Variants in ATXN2 observed in about 807,000 individuals in gnomAD.
The protein encoded by ATXN2 is ataxin 2.
A neutral mutation model predicts 138.6 loss-of-function variants in ATXN2; 37 were observed. That is an observed-to-expected ratio of 0.27 (90% confidence interval 0.21 to 0.35). The LOEUF (loss-of-function observed/expected upper bound fraction) is 0.35. Ranked by LOEUF, ATXN2 falls within the 10% of genes least tolerant of loss-of-function variation. ATXN2 has a pLI of 1.00. For missense variants in ATXN2, 1,216 were observed against 1,480.3 expected (o/e 0.82, Z 2.93); for synonymous variants, 549 against 543.7 (o/e 1.01, Z -0.13).
chr12:111,496,422 G>A (rs570761646), intron 14 of ATXN2, among the ~76,000 whole-genome samples: 1 of 152,134 alleles, frequency 6.6e-6, no homozygotes, highest in South Asian at 2.1e-4. Context: ...TGTAATCCCA[G>A]CTACTCAGGA....
At chr12:111,531,072 C>T (rs140109303) in intron 5 of ATXN2, among the ~76,000 whole-genome samples, 2 of 151,450 alleles carry the variant, frequency 1.3e-5, no homozygotes, top group African/African-American at 4.8e-5. Context: ...GAGCCGAGAT[C>T]GCACCATTGC....
chr12:111,562,522 A>G (rs1244907959), intron 1 of ATXN2, among the ~76,000 whole-genome samples: 1 of 151,894 alleles, frequency 6.6e-6, no homozygotes, highest in Non-Finnish European at 1.5e-5. Context: ...GGAGTTGGAG[A>G]CCAGCCTGAC....
intron 1 of ATXN2, among the ~76,000 whole-genome samples, chr12:111,565,899 G>A (rs1335186430): frequency 1.3e-5 from 2 of 151,932 alleles, no homozygotes; most frequent in Non-Finnish European, 2.9e-5. Context: ...AGTAAGCTGA[G>A]GCACGAGAAT....
At chr12:111,456,643 G>A (rs1875123589) in intron 22 of ATXN2, among the ~76,000 whole-genome samples, 1 of 152,046 alleles carries the variant, frequency 6.6e-6, no homozygotes, top group South Asian at 2.1e-4. Context: ...AAGCAAATAG[G>A]AATTTGCCTT....
At chr12:111,591,035 G>A (rs1436866621) in intron 1 of ATXN2, among the ~76,000 whole-genome samples, 4 of 151,816 alleles carry the variant, frequency 2.6e-5, no homozygotes, top group Non-Finnish European at 4.4e-5. Context: ...GACTACAGGC[G>A]CCCTCCACCG....
chr12:111,473,000 T>C (rs146971830), intron 18 of ATXN2, among the ~76,000 whole-genome samples: 15 of 152,282 alleles, frequency 9.9e-5, no homozygotes, highest in African/African-American at 3.6e-4. Context: ...TGGCCTGCCA[T>C]GGTGGCTCAT....
At chr12:111,579,774 C>T (rs1409246501) in intron 1 of ATXN2, among the ~76,000 whole-genome samples, 1 of 151,134 alleles carries the variant, frequency 6.6e-6, no homozygotes, top group Non-Finnish European at 1.5e-5. Flanking sequence ...TCTTGGTTCA[C>T]TGCAACCTCC....
Position 111,520,874 on chromosome 12 carries a change from A to T in ATXN2, c.788+8T>A. On this transcript the variant is annotated splice_region_variant and intron_variant, in intron 7 of 24. Transcript: ENST00000673436. Reference sequence around the variant, plus strand: ...GCACTAAAATAAAAACAAACTTTTCAAACTTACGTATACGAAGATAAACTG... The same window carrying T: ...GCACTAAAATAAAAACAAACTTTTCTAACTTACGTATACGAAGATAAACTG... 6.6e-7 allele frequency: 1 copy of T among 1,510,374 alleles called. No individual in the cohort carries two copies. The highest frequency in any genetic ancestry group is 9.0e-7 in the Non-Finnish European group (1 of 1,116,446). 93.6% of individuals were successfully genotyped at this position (1,510,374 alleles called of 1,614,324 possible).
At chr12:111,547,975 C>G (rs1202003828) in intron 5 of ATXN2, among the ~76,000 whole-genome samples, 1 of 151,364 alleles carries the variant, frequency 6.6e-6, no homozygotes, top group African/African-American at 2.4e-5. Flanking sequence ...GGTGGATCAC[C>G]TAAGGTCAGG....
chr12:111,588,978 G>T, intron 1 of ATXN2, among the ~76,000 whole-genome samples: 1 of 100,458 alleles, frequency 1.0e-5, no homozygotes, highest in African/African-American at 3.6e-5. Flanking sequence ...CTGGGCGACA[G>T]AGCGAGATTT....
chr12:111,507,583 G>C (rs1343658884), intron 14 of ATXN2, among the ~76,000 whole-genome samples: 1 of 146,010 alleles, frequency 6.8e-6, no homozygotes, highest in Non-Finnish European at 1.5e-5. Context: ...CCGGGAGGTG[G>C]GGGGCACCTC....
At chr12:111,588,982 G>A (rs1472001967) in intron 1 of ATXN2, among the ~76,000 whole-genome samples, 3 of 85,368 alleles carry the variant, frequency 3.5e-5, no homozygotes, top group South Asian at 1.0e-3. Flanking sequence ...GCGACAGAGC[G>A]AGATTTCTCA....
chr12:111,518,585 T>C (rs1319578767), intron 8 of ATXN2, among the ~76,000 whole-genome samples, 158 bp from the exon 9 acceptor site: 1 of 152,198 alleles, frequency 6.6e-6, no homozygotes, highest in Non-Finnish European at 1.5e-5. Flanking sequence ...TCTTCCATCT[T>C]ACCCTGAGTT....
chr12:111,456,743 ATTTTT>A (rs1263469341), intron 22 of ATXN2, among the ~76,000 whole-genome samples: 2 of 151,784 alleles, frequency 1.3e-5, no homozygotes, highest in South Asian at 4.2e-4. Flanking sequence ...CTTAAATGTG[ATTTTT>A]TTTAATTTTT....
chr12:111,531,659 G>T, intron 5 of ATXN2, among the ~76,000 whole-genome samples: 1 of 152,224 alleles, frequency 6.6e-6, no homozygotes, highest in East Asian at 1.9e-4. Context: ...AAACAAGTTG[G>T]GGATAAGAAA....
intron 21 of ATXN2, among the ~76,000 whole-genome samples, chr12:111,462,067 C>G (rs949425044): frequency 6.6e-6 from 1 of 152,122 alleles, no homozygotes; most frequent in Non-Finnish European, 1.5e-5. Flanking sequence ...TATGCTCATT[C>G]TGGCTAAAGA....
chr12:111,553,615 T>TTTTTTTG (rs1882241037), intron 3 of ATXN2, among the ~76,000 whole-genome samples: 1 of 146,020 alleles, frequency 6.8e-6, no homozygotes, highest in African/African-American at 2.6e-5. Flanking sequence ...TTTTTTTTTT[T>TTTTTTTG]GAGAAGGGGT....
intron 20 of ATXN2, chr12:111,468,535 T>C (rs989940274): frequency 9.9e-5 from 15 of 152,232 alleles, no homozygotes; most frequent in African/African-American, 3.6e-4. Context: ...GAAGAAAGCA[T>C]AAGCTGTGGG....
intron 23 of ATXN2, 64 bp downstream of exon 23, chr12:111,455,965 T>C (rs2135647082): frequency 6.7e-7 from 1 of 1,487,200 alleles, no homozygotes; most frequent in South Asian, 1.1e-5. Flanking sequence ...AGCCTCTAGC[T>C]GCTTACTGAT....
Sources: allele counts gnomAD v4.1 joint callset (sites outside exome capture counted in the v4.1 genomes callset), GRCh38; gene constraint gnomAD v4.1.1; transcripts MANE v1.5; gene names NCBI Gene and HGNC (gene_info 2026-07-23, HGNC 2026-07-21).